STK24: variants seen among roughly 807,000 people sequenced by gnomAD.
STK24 encodes serine/threonine-protein kinase 24.
A neutral mutation model predicts 55.6 loss-of-function variants in STK24; 21 were observed. The observed-to-expected ratio is 0.38, with a 90% CI of 0.27 to 0.54. The LOEUF is 0.54. Among genes scored for constraint, STK24 ranks in the 20% least tolerant of loss-of-function variants. The pLI, the probability that STK24 is intolerant of heterozygous loss-of-function variation, is 0.79. For missense variants in STK24, 383 were observed against 538.4 expected (o/e 0.71, Z 2.86); for synonymous variants, 200 against 215.2 (o/e 0.93, Z 0.62).
intron 5 of STK24, among the ~76,000 whole-genome samples, chr13:98,469,950 T>C (rs1894079630): frequency 6.6e-6 from 1 of 152,216 alleles, no homozygotes. Flanking sequence ...ACATTTTAAA[T>C]TTGGAAAATG....
intron 1 of STK24, among the ~76,000 whole-genome samples, chr13:98,530,778 C>T (rs867242799): frequency 1.3e-5 from 2 of 152,296 alleles, no homozygotes; most frequent in Middle Eastern, 3.4e-3. Context: ...GGTGAACTGC[C>T]ACCACCTTCA....
At chr13:98,511,830 T>TGG (rs1895887224) in intron 2 of STK24, among the ~76,000 whole-genome samples, 1 of 152,028 alleles carries the variant, frequency 6.6e-6, no homozygotes, top group Non-Finnish European at 1.5e-5. Flanking sequence ...CCATGTGTGG[T>TGG]GGTACTTATA....
rs745332241 is a variant in STK24, at chr13:98,459,552, C to T, written c.1122+820G>A. 7.2e-5 allele frequency among the ~76,000 whole-genome samples: 11 copies of T among 152,352 alleles called. No homozygotes were observed. In the South Asian group the frequency reaches 8.3e-4, roughly 11 times the overall value. ...CCAGGCACGGCCCATGGCCGGGGGT[C>T]CCCCGCTGCGTGACGCAGGCACAGG... On this transcript the variant is annotated intron_variant, in intron 9 of 10. Transcript: ENST00000539966.
chr13:98,576,299 C>A lies in STK24; in HGVS notation c.42+446G>T, dbSNP rs1412481586. On this transcript the variant is annotated intron_variant, in intron 1 of 10. Coordinates refer to ENST00000539966, the MANE Select transcript of STK24 (RefSeq NM_001032296.4). The stretch of plus-strand genomic sequence containing the variant: ...CTGCCCAGGTCTCCCGCCCGCCTGC[C>A]CGGGGGTGGGGGACGAGCCTGGGGG... The A allele has an allele frequency of 7.9e-6, 7 of 881,520 alleles. No homozygotes were observed. The East Asian group carries it at 8.4e-4, about 105-fold the overall frequency. 54.6% of individuals were successfully genotyped at this position (881,520 alleles called of 1,614,324 possible). A position where few individuals can be genotyped will look rare whatever the true frequency, so the allele number is the denominator to read the frequency against.
intron 2 of STK24, among the ~76,000 whole-genome samples, chr13:98,491,063 CTT>C: frequency 6.6e-6 from 1 of 152,290 alleles, no homozygotes; most frequent in East Asian, 1.9e-4. Flanking sequence ...TTGTCCTTCC[CTT>C]TCAGATGCCA....
intron 1 of STK24, among the ~76,000 whole-genome samples, chr13:98,548,562 C>T (rs1432464526): frequency 2.0e-5 from 3 of 152,154 alleles, no homozygotes; most frequent in African/African-American, 7.2e-5. Context: ...CATCTTTCTA[C>T]ATGAAAATAG....
rs866829702 is a variant in STK24 at position 98,575,432 on chromosome 13, T to C, written c.42+1313A>G. 8.3e-4 allele frequency among the ~76,000 whole-genome samples: 116 copies of C among 139,820 alleles called. 2 individuals are homozygous for C. The highest frequency in any genetic ancestry group is 3.6e-3 in the Middle Eastern group (1 of 274). The allele number at this position is 139,820 out of a possible 152,430, so 91.7% of individuals were successfully genotyped here. On this transcript the variant is annotated intron_variant, in intron 1 of 10. Transcript: ENST00000539966. Reference sequence around the variant, plus strand: ...ACACACACACACACACACACACATATACACACACACACACTTGGACTAAAA... The same window carrying C: ...ACACACACACACACACACACACATACACACACACACACACTTGGACTAAAA...
At chr13:98,568,704 T>TA (rs1323301316) in intron 1 of STK24, among the ~76,000 whole-genome samples, 2 of 151,632 alleles carry the variant, frequency 1.3e-5, no homozygotes, top group East Asian at 1.9e-4. Flanking sequence ...TCATCTCTAC[T>TA]AAAAAATACA....
In STK24 at chr13:98,453,132, A is replaced by G. The variant is rs920753952; in HGVS notation, c.*41T>C. ...TTTTAAAAAAGGAGGAGGATGAAGA[A>G]GGAAAAAAGGAAAAACAAAACCCCA... On this transcript the variant is annotated 3_prime_UTR_variant, in exon 11 of 11. Coordinates refer to ENST00000539966, the MANE Select transcript of STK24 (RefSeq NM_001032296.4). The G allele has an allele frequency of 9.9e-6, 16 of 1,610,104 alleles. No individual in the cohort carries two copies. Among genetic ancestry groups the G allele is most frequent in the African/African-American group, 1.3e-5 (1 of 74,786 alleles).
intron 10 of STK24, 78 bp downstream of exon 10, chr13:98,457,090 G>C (rs1322375729): frequency 6.5e-7 from 1 of 1,539,858 alleles, no homozygotes; most frequent in Admixed American, 1.9e-5. Context: ...CAAGAATCAA[G>C]TACCAAACTC....
chr13:98,535,555 A>C (rs1896706649), intron 1 of STK24, among the ~76,000 whole-genome samples: 1 of 152,120 alleles, frequency 6.6e-6, no homozygotes, highest in South Asian at 2.1e-4. Flanking sequence ...AATAAACAGT[A>C]ACAAACAGTG....
In STK24 at chr13:98,461,842, T is replaced by C; in HGVS notation, c.985A>G (p.Ile329Val). 5.6e-6 allele frequency: 9 copies of C among 1,614,148 alleles called. No individual in the cohort carries two copies. Among genetic ancestry groups the C allele is most frequent in the South Asian group, 1.1e-5 (1 of 91,072 alleles). ...GSDSGDWIFT[I>V]REKDPKNLEN... ...AGATTCTTGGGATCTTTTTCTCGGATTGTGAAGATCCAGTCCCCAGAATCA... is the reference window on the plus strand; with the variant it reads ...AGATTCTTGGGATCTTTTTCTCGGACTGTGAAGATCCAGTCCCCAGAATCA... Residue 329 changes from isoleucine (I) to valine (V), a missense_variant, in exon 8 of 11, where the codon ATC (isoleucine) becomes GTC (valine). By Grantham distance (29) the Ile-to-Val change is conservative (BLOSUM62 3). Coordinates refer to ENST00000539966, the MANE Select transcript of STK24 (RefSeq NM_001032296.4).
At chr13:98,495,462 G>T (rs906861478) in intron 2 of STK24, among the ~76,000 whole-genome samples, 5 of 152,114 alleles carry the variant, frequency 3.3e-5, no homozygotes, top group African/African-American at 1.2e-4. Flanking sequence ...GAGACAAAAA[G>T]AACTAAAAAT....
At chr13:98,576,668 G>A (rs1467033371) in intron 1 of STK24, 77 bp downstream of exon 1, 2 of 1,285,164 alleles carry the variant, frequency 1.6e-6, no homozygotes, top group African/African-American at 1.6e-5. Flanking sequence ...AGCGTAGGGG[G>A]ACGCCGTGTG....
In STK24 at chr13:98,449,763, A is replaced by AAAAC. The variant is rs1893097358; in HGVS notation, c.*3406_*3409dup. ...ATCCAGCATATTGATGTTTTAAGGC[A>AAAAC]AAACAACCAACTTTGTCTGTAGTCT... On this transcript the variant is annotated 3_prime_UTR_variant, in exon 11 of 11. Transcript: ENST00000539966. 6.6e-6 allele frequency: 1 copy of AAAAC among 151,990 alleles called. No individual in the cohort carries two copies. The highest frequency in any genetic ancestry group is 6.6e-5 in the Admixed American group (1 of 15,214). 9.4% of individuals were successfully genotyped at this position (151,990 alleles called of 1,614,324 possible).
chr13:98,565,943 G>A (rs1252569398), intron 1 of STK24, among the ~76,000 whole-genome samples: 1 of 152,266 alleles, frequency 6.6e-6, no homozygotes, highest in Admixed American at 6.5e-5. Flanking sequence ...CGCAGTGCCA[G>A]CCCGGTGGGC....
chr13:98,550,795 T>C (rs1897138480), intron 1 of STK24, among the ~76,000 whole-genome samples: 1 of 152,210 alleles, frequency 6.6e-6, no homozygotes, highest in African/African-American at 2.4e-5. Flanking sequence ...ATTCTAAGTA[T>C]GCAAAATAAA....
intron 1 of STK24, among the ~76,000 whole-genome samples, chr13:98,534,247 C>T (rs1444933715): frequency 6.6e-6 from 1 of 152,190 alleles, no homozygotes; most frequent in Non-Finnish European, 1.5e-5. Flanking sequence ...AAAGACGAGG[C>T]CTGCGGTTTG....
intron 9 of STK24, among the ~76,000 whole-genome samples, chr13:98,458,662 C>A (rs749241391): frequency 6.6e-6 from 1 of 152,204 alleles, no homozygotes; most frequent in Non-Finnish European, 1.5e-5. Flanking sequence ...CCTGCCCATG[C>A]CCCGCCCCTA....
Sources: allele counts gnomAD v4.1 joint callset (sites outside exome capture counted in the v4.1 genomes callset), GRCh38; gene constraint gnomAD v4.1.1; transcripts MANE v1.5; gene names NCBI Gene and HGNC (gene_info 2026-07-23, HGNC 2026-07-21).